The following C19orf18 variants were observed in gnomAD, a reference collection of about 807,000 sequenced individuals.
The protein encoded by C19orf18 is uncharacterized protein C19orf18.
In C19orf18, 21 loss-of-function variants were observed where a neutral mutation model predicts 23.3. The ratio of observed to expected loss-of-function variants is 0.90; its 90% CI spans 0.64 to 1.30. C19orf18 has a LOEUF of 1.30. C19orf18 is among the 50% of genes most tolerant of loss of function. The pLI is 0.00. For synonymous variants in C19orf18, 96 were observed against 95.2 expected (o/e 1.01, Z -0.05); for missense variants, 249 against 259.6 (o/e 0.96, Z 0.28).
intron 3 of C19orf18, among the ~76,000 whole-genome samples, chr19:57,970,819 C>T (rs539929370): frequency 1.3e-5 from 2 of 152,186 alleles, no homozygotes; most frequent in Admixed American, 6.5e-5. Context: ...CTCAGCCCCC[C>T]AAAGTGTTGG....
At chr19:57,971,691 G>A (rs2072945548) in intron 3 of C19orf18, among the ~76,000 whole-genome samples, 1 of 152,010 alleles carries the variant, frequency 6.6e-6, no homozygotes, top group Admixed American at 6.6e-5. Flanking sequence ...AGCTGGTCTC[G>A]AACTCGTGAC....
At chr19:57,961,158 C>A (rs529998320) in intron 5 of C19orf18, among the ~76,000 whole-genome samples, 1 of 152,098 alleles carries the variant, frequency 6.6e-6, no homozygotes, top group African/African-American at 2.4e-5. Flanking sequence ...TGGCGTGAAT[C>A]TGGGAGGCGG....
At chr19:57,959,090 T>G (rs926615665) in intron 5 of C19orf18, among the ~76,000 whole-genome samples, 2 of 152,110 alleles carry the variant, frequency 1.3e-5, no homozygotes, top group Non-Finnish European at 2.9e-5. Context: ...ATGTCTGGAG[T>G]TTTTAGAGAG....
At chr19:57,971,437 G>A (rs867953648) in intron 3 of C19orf18, among the ~76,000 whole-genome samples, 1 of 151,318 alleles carries the variant, frequency 6.6e-6, no homozygotes, top group Admixed American at 6.6e-5. Flanking sequence ...TCCCAAGCCC[G>A]CCTTCCCTAC....
intron 4 of C19orf18, among the ~76,000 whole-genome samples, chr19:57,964,995 A>T (rs895914790): frequency 1.5e-4 from 23 of 152,162 alleles, no homozygotes; most frequent in Non-Finnish European, 2.4e-4. Context: ...ACGGTGATGT[A>T]ACTTCCCCCA....
rs1164985943 is a variant in C19orf18 at position 57,958,598 on chromosome 19, G to A, written c.*4C>T. On this transcript the variant is annotated 3_prime_UTR_variant, in exon 6 of 6. Transcript: ENST00000314391. ...GCCTCAGCCGGCACCTCTGTCGTCT[G>A]CGTTCACAAGTCTTCCATTTTTCCA... 2.5e-6 allele frequency: 4 copies of A among 1,578,512 alleles called. No homozygotes were observed. Among genetic ancestry groups the A allele is most frequent in the Non-Finnish European group, 3.5e-6 (4 of 1,155,126 alleles).
At chr19:57,966,927 C>T (rs1289098430) in intron 3 of C19orf18, among the ~76,000 whole-genome samples, 1 of 152,082 alleles carries the variant, frequency 6.6e-6, no homozygotes, top group Non-Finnish European at 1.5e-5. Flanking sequence ...TGCGCCACCA[C>T]ACCTGCCTAA....
At position 57,966,574 on chromosome 19, in the gene C19orf18, G is replaced by T; in HGVS notation, c.327C>A (p.Phe109Leu). 1 of 1,613,278 alleles carries T rather than the reference G, an allele frequency of 6.2e-7. No homozygotes were observed. The highest frequency in any genetic ancestry group is 8.5e-7 in the Non-Finnish European group (1 of 1,179,396). The change falls in exon 4 of 6, where the codon TTC becomes TTA. Residue 109 changes from phenylalanine (F) to leucine (L), a missense_variant. Physicochemically the swap from Phe to Leu is conservative, Grantham distance 22. Coordinates refer to ENST00000314391, the MANE Select transcript of C19orf18 (RefSeq NM_152474.5). ...CCATCCCACATATCAGGGCAATGCT[G>T]AAGGCTACGCTCGAAATTAAAATTA... ...VKVILISSVAFSIALICGMAI... is the reference protein window; with the variant it reads ...VKVILISSVALSIALICGMAI...
chr19:57,961,287 G>C (rs1183781970), intron 5 of C19orf18, 104 bp downstream of exon 5: 9 of 1,185,956 alleles, frequency 7.6e-6, no homozygotes, highest in South Asian at 1.6e-5. Context: ...AGGAAAGAAA[G>C]AAAGAAAAGA....
In C19orf18 at chr19:57,973,103, C is replaced by T. The variant is rs576717329; in HGVS notation, c.227-599G>A. Among the ~76,000 whole-genome samples, 17 of 119,984 alleles carry T rather than the reference C, an allele frequency of 1.4e-4. No homozygotes were observed. The Admixed American group carries it at 1.4e-3, about 10-fold the overall frequency. The allele number at this position is 119,984 out of a possible 152,430, so 78.7% of individuals were successfully genotyped here. A position where few individuals can be genotyped will look rare whatever the true frequency, so the allele number is the denominator to read the frequency against. ...TGGAGGTTGTGGTGAGCCGAGATTG[C>T]GCCACTGCACTCCAGCTGGGTGACA... On this transcript the variant is annotated intron_variant, in intron 2 of 5. Coordinates refer to ENST00000314391, the MANE Select transcript of C19orf18 (RefSeq NM_152474.5).
intron 4 of C19orf18, among the ~76,000 whole-genome samples, chr19:57,962,034 CTCTT>C (rs990172569): frequency 1.3e-5 from 2 of 149,544 alleles, no homozygotes; most frequent in Non-Finnish European, 3.0e-5. Context: ...CTTTCTCTCT[CTCTT>C]TCTCTCTTTG....
intron 3 of C19orf18, among the ~76,000 whole-genome samples, chr19:57,971,780 G>C (rs951383549): frequency 6.6e-6 from 1 of 152,014 alleles, no homozygotes; most frequent in Admixed American, 6.6e-5. Flanking sequence ...CCAGAATAAA[G>C]GCTTTTGCTC....
chr19:57,960,147 C>T (rs937113901), intron 5 of C19orf18, among the ~76,000 whole-genome samples: 7 of 151,462 alleles, frequency 4.6e-5, no homozygotes, highest in African/African-American at 1.2e-4. Flanking sequence ...ATTCTACAGG[C>T]GGGGTGCATT....
intron 3 of C19orf18, among the ~76,000 whole-genome samples, chr19:57,970,651 G>A (rs2072938431): frequency 2.6e-5 from 4 of 151,386 alleles, no homozygotes; most frequent in Non-Finnish European, 4.4e-5. Context: ...TGCGATCTCT[G>A]CTCACTTCAA....
Position 57,962,969 on chromosome 19 carries a change from C to T in C19orf18, c.372-1418G>A, listed in dbSNP as rs116424614. ...CAAAAGGGAGGTGCTCGCCTCAGTG[C>T]GAAATGTAAGGAGGTACCCCAAACA... On this transcript the variant is annotated intron_variant, in intron 4 of 5. Transcript: ENST00000314391. 4.3e-3 allele frequency among the ~76,000 whole-genome samples: 643 copies of T among 151,196 alleles called. 9 individuals carry two copies. Among genetic ancestry groups the T allele is most frequent in the African/African-American group, 0.014 (595 of 41,178 alleles).
chr19:57,959,119 G>A (rs919077434), intron 5 of C19orf18, among the ~76,000 whole-genome samples: 22 of 152,290 alleles, frequency 1.4e-4, no homozygotes, highest in African/African-American at 4.8e-4. Flanking sequence ...TGTGAGGATG[G>A]TTAGTATGTC....
intron 4 of C19orf18, among the ~76,000 whole-genome samples, chr19:57,964,410 T>A (rs984467898): frequency 6.6e-6 from 1 of 152,132 alleles, no homozygotes; most frequent in Non-Finnish European, 1.5e-5. Flanking sequence ...GCCTCTTGAG[T>A]AGCTGGGACT....
chr19:57,959,448 C>T (rs185492635), intron 5 of C19orf18, among the ~76,000 whole-genome samples: 2 of 91,542 alleles, frequency 2.2e-5, no homozygotes, highest in Admixed American at 9.8e-5. Context: ...CATGGTGAGA[C>T]CCCCCATCTC....
intron 3 of C19orf18, among the ~76,000 whole-genome samples, chr19:57,970,213 T>C (rs2072935612): frequency 6.6e-6 from 1 of 152,132 alleles, no homozygotes; most frequent in African/African-American, 2.4e-5. Flanking sequence ...TTCCTGTAAA[T>C]AAGAAGATCA....
Sources: gnomAD v4.1 joint callset for allele counts (sites outside exome capture counted in the v4.1 genomes callset) on GRCh38, gnomAD v4.1.1 for gene constraint, MANE v1.5 for transcripts, NCBI Gene and HGNC (gene_info 2026-07-23, HGNC 2026-07-21) for gene names.